CAMTA1: variants seen among roughly 807,000 people sequenced by gnomAD.
CAMTA1 encodes the protein calmodulin-binding transcription activator 1.
A neutral mutation model predicts 170.9 loss-of-function variants in CAMTA1; 27 were observed. The ratio of observed to expected loss-of-function variants is 0.16; its 90% CI spans 0.12 to 0.22. The LOEUF is 0.22. Among genes scored for constraint, CAMTA1 ranks in the 10% least tolerant of loss-of-function variants. The probability of loss-of-function intolerance (pLI) is 1.00; values close to 1 mark genes in which losing one functional copy is unlikely to be tolerated. For missense variants in CAMTA1, 1,619 were observed against 2,217.2 expected (o/e 0.73, Z 5.42); for synonymous variants, 833 against 891.5 (o/e 0.93, Z 1.17).
intron 5 of CAMTA1, among the ~76,000 whole-genome samples, chr1:7,402,883 C>G (rs2090009678): frequency 6.6e-6 from 1 of 152,194 alleles, no homozygotes; most frequent in African/African-American, 2.4e-5. Flanking sequence ...GAAGTGTTCT[C>G]AAAGCCTTTT....
rs1402132122 is a variant in CAMTA1 at position 7,510,683 on chromosome 1, C to T, written c.510+42782C>T. 1.4e-5 allele frequency among the ~76,000 whole-genome samples: 2 copies of T among 146,268 alleles called. 1 individual carries two copies. Among genetic ancestry groups the T allele is most frequent in the Non-Finnish European group, 3.1e-5 (2 of 65,158 alleles). On this transcript the variant is annotated intron_variant, in intron 6 of 22. Coordinates refer to ENST00000303635, the MANE Select transcript of CAMTA1 (RefSeq NM_015215.4). ...TTGGGGCGAGAATGTGTGGTTTATA[C>T]AAGCAGCCTTTACCTCCAGCCTTTC...
At chr1:7,572,581 A>G (rs1326520473) in intron 6 of CAMTA1, among the ~76,000 whole-genome samples, 2 of 152,176 alleles carry the variant, frequency 1.3e-5, no homozygotes, top group African/African-American at 4.8e-5. Context: ...TCCCAGCACC[A>G]TTTATTGAAT....
chr1:7,751,151 G>A (rs200316768), intron 19 of CAMTA1, 48 bp from the exon 20 acceptor site: 8 of 1,447,560 alleles, frequency 5.5e-6, no homozygotes, highest in Admixed American at 4.2e-5. Context: ...CGCTGAGCCC[G>A]TGCAGCCCCT....
chr1:7,017,970 T>G (rs998941187), intron 3 of CAMTA1, among the ~76,000 whole-genome samples: 1 of 25,268 alleles, frequency 4.0e-5, no homozygotes, highest in Admixed American at 3.1e-4. Flanking sequence ...AGGTTTTTTG[T>G]TTTTTTTTTT....
chr1:7,132,278 C>G (rs556134359), intron 4 of CAMTA1, among the ~76,000 whole-genome samples: 33 of 152,184 alleles, frequency 2.2e-4, no homozygotes, highest in African/African-American at 7.7e-4. Flanking sequence ...CCCCTTCCTC[C>G]TTCCCTTCTC....
intron 4 of CAMTA1, among the ~76,000 whole-genome samples, chr1:7,103,541 CAT>C (rs972776763): frequency 9.3e-5 from 10 of 107,298 alleles, no homozygotes; most frequent in South Asian, 8.2e-4. Flanking sequence ...CAACTACACA[CAT>C]GTACACACTA....
At chr1:6,886,781 C>T (rs1673358654) in intron 3 of CAMTA1, among the ~76,000 whole-genome samples, 1 of 152,176 alleles carries the variant, frequency 6.6e-6, no homozygotes. Context: ...CCTTTTTGAC[C>T]CTTCCCCCAA....
intron 4 of CAMTA1, among the ~76,000 whole-genome samples, chr1:7,197,069 T>A (rs1185507227): frequency 6.6e-6 from 1 of 152,268 alleles, no homozygotes; most frequent in Non-Finnish European, 1.5e-5. Context: ...CTCAAGTAAT[T>A]ATTTCACACA....
chr1:7,624,998 G>A (rs2095623493), intron 6 of CAMTA1, among the ~76,000 whole-genome samples: 1 of 152,240 alleles, frequency 6.6e-6, no homozygotes, highest in African/African-American at 2.4e-5. Context: ...AGGGCCAGTG[G>A]CAGAGCAGGC....
intron 3 of CAMTA1, among the ~76,000 whole-genome samples, chr1:6,878,387 C>G (rs1399053895): frequency 6.6e-6 from 1 of 152,202 alleles, no homozygotes; most frequent in Non-Finnish European, 1.5e-5. Flanking sequence ...TGGTTTTGTG[C>G]TAGATCACAA....
intron 5 of CAMTA1, among the ~76,000 whole-genome samples, chr1:7,408,946 A>G (rs1324769805): frequency 1.3e-5 from 2 of 152,176 alleles, no homozygotes; most frequent in African/African-American, 2.4e-5. Context: ...CTCCCTGCCC[A>G]TATGAAAGCA....
chr1:7,364,890 T>A (rs1032626523), intron 5 of CAMTA1, among the ~76,000 whole-genome samples: 3 of 152,220 alleles, frequency 2.0e-5, no homozygotes, highest in Non-Finnish European at 4.4e-5. Flanking sequence ...AATGAGTGAA[T>A]GAATGAATGA....
intron 4 of CAMTA1, among the ~76,000 whole-genome samples, chr1:7,184,864 A>C (rs549133740): frequency 6.6e-6 from 1 of 152,366 alleles, no homozygotes; most frequent in Admixed American, 6.5e-5. Context: ...AGTTGGGGGC[A>C]GCTCCCCAAG....
At chr1:7,536,959 C>T (rs1476328509) in intron 6 of CAMTA1, among the ~76,000 whole-genome samples, 4 of 152,156 alleles carry the variant, frequency 2.6e-5, no homozygotes, top group African/African-American at 9.7e-5. Context: ...GTCCCTCTGC[C>T]ATCTCAAGAC....
chr1:7,282,294 T>G (rs1671634369), intron 5 of CAMTA1, among the ~76,000 whole-genome samples: 2 of 152,052 alleles, frequency 1.3e-5, no homozygotes, highest in African/African-American at 2.4e-5. Flanking sequence ...GCTCCAAGAC[T>G]GGGTTCTTCC....
chr1:7,517,038 T>C (rs2094296668), intron 6 of CAMTA1, among the ~76,000 whole-genome samples: 1 of 152,206 alleles, frequency 6.6e-6, no homozygotes, highest in Admixed American at 6.5e-5. Flanking sequence ...TTCTGAGCTC[T>C]TTCTGGGCAG....
chr1:6,926,350 C>A (rs1478954640), intron 3 of CAMTA1, among the ~76,000 whole-genome samples: 1 of 136,116 alleles, frequency 7.3e-6, no homozygotes, highest in Non-Finnish European at 1.6e-5. Context: ...TTCCTTTCCT[C>A]CCTCCCTCCC....
rs532807504 is a variant in CAMTA1 at position 7,065,988 on chromosome 1, G to A, written c.235-25316G>A. On this transcript the variant is annotated intron_variant, in intron 3 of 22. Transcript: ENST00000303635. The surrounding 1 kb of genome is among the most constrained non-coding windows in gnomAD (Gnocchi z 5.2). The stretch of plus-strand genomic sequence containing the variant: ...CAGGCACCCTGAGCAAGCACAAGGC[G>A]GAGAAATGAGACCTGCTGGTGCTTA... 6.6e-6 allele frequency among the ~76,000 whole-genome samples: 1 copy of A among 152,162 alleles called. No individual in the cohort carries two copies. The highest frequency in any genetic ancestry group is 2.4e-5 in the African/African-American group (1 of 41,524).
At chr1:6,847,664 C>G (rs969905999) in intron 3 of CAMTA1, among the ~76,000 whole-genome samples, 1 of 151,434 alleles carries the variant, frequency 6.6e-6, no homozygotes, top group Non-Finnish European at 1.5e-5. Context: ...CTCAGCCTCC[C>G]TAGTAGCTGG....
Sources: gnomAD v4.1 joint callset for allele counts (sites outside exome capture counted in the v4.1 genomes callset) on GRCh38, gnomAD v4.1.1 for gene constraint, Gnocchi (gnomAD v3.1) non-coding constraint, MANE v1.5 for transcripts, NCBI Gene and HGNC (gene_info 2026-07-23, HGNC 2026-07-21) for gene names.